Variants in KCNAB1 observed in about 807,000 individuals in gnomAD.
KCNAB1 encodes voltage-gated potassium channel subunit beta-1.
Under a neutral mutation model 64.6 loss-of-function variants are expected in KCNAB1, and 35 were observed. The observed-to-expected ratio is 0.54, with a 90% CI of 0.41 to 0.72. The LOEUF (loss-of-function observed/expected upper bound fraction) is 0.72. KCNAB1 is among the 30% of genes least tolerant of loss of function. The pLI, the probability that KCNAB1 is intolerant of heterozygous loss-of-function variation, is 0.00. For missense variants in KCNAB1, 401 were observed against 512.9 expected, an observed-to-expected ratio of 0.78 and a Z score of 2.11; for synonymous variants, 177 against 183.8, an observed-to-expected ratio of 0.96 and a Z score of 0.30.
At chr3:156,291,786 C>A in intron 1 of KCNAB1, 1 of 1,523,972 alleles carries the variant, frequency 6.6e-7, no homozygotes. Context: ...CTGACGGCAT[C>A]CCCAGGAAGG....
At chr3:156,407,968 A>G (rs907405342) in intron 1 of KCNAB1, among the ~76,000 whole-genome samples, 1 of 152,154 alleles carries the variant, frequency 6.6e-6, no homozygotes, top group Non-Finnish European at 1.5e-5. Context: ...TGATGGGGAA[A>G]GGACTGAGAT....
chr3:156,370,244 C>T (rs1201118444), intron 1 of KCNAB1, among the ~76,000 whole-genome samples: 1 of 152,144 alleles, frequency 6.6e-6, no homozygotes. Context: ...CAGGTCTGGG[C>T]ATTCTATTGT....
intron 1 of KCNAB1, among the ~76,000 whole-genome samples, chr3:156,344,538 A>G (rs564015370): frequency 2.5e-4 from 38 of 152,320 alleles, no homozygotes; most frequent in African/African-American, 8.2e-4. Flanking sequence ...AGCCTTTACT[A>G]AAAGCCAGAG....
intron 1 of KCNAB1, among the ~76,000 whole-genome samples, chr3:156,299,510 A>G (rs921860036): frequency 3.6e-5 from 5 of 140,170 alleles, no homozygotes; most frequent in African/African-American, 1.2e-4. Context: ...ATAGGCATAT[A>G]TGATTGAACA....
chr3:156,363,213 A>G (rs1725724468), intron 1 of KCNAB1, among the ~76,000 whole-genome samples: 1 of 152,258 alleles, frequency 6.6e-6, no homozygotes, highest in East Asian at 1.9e-4. Context: ...TGCAAAGCAT[A>G]TTCAAATGCC....
At position 156,445,167 on chromosome 3, in the gene KCNAB1, G is replaced by A. The variant is rs546445980; in HGVS notation, c.320-7732G>A. Among the ~76,000 whole-genome samples the A allele has an allele frequency of 2.5e-3, 382 of 152,188 alleles. 3 individuals are homozygous for A. Among genetic ancestry groups the A allele is most frequent in the African/African-American group, 8.9e-3 (371 of 41,524 alleles). Reference sequence around the variant, plus strand: ...AAAAATTGGCCGGGCACGGTGGCACGCGCCTGTAATCCCAGCTACTCAGGA... The same window carrying A: ...AAAAATTGGCCGGGCACGGTGGCACACGCCTGTAATCCCAGCTACTCAGGA... On this transcript the variant is annotated intron_variant, in intron 2 of 13. Coordinates refer to ENST00000490337, the MANE Select transcript of KCNAB1 (RefSeq NM_172160.3).
chr3:156,284,960 G>A (rs1206511660), intron 1 of KCNAB1, among the ~76,000 whole-genome samples: 1 of 152,192 alleles, frequency 6.6e-6, no homozygotes, highest in Non-Finnish European at 1.5e-5. Flanking sequence ...GACCAGAGCT[G>A]TTCCTATTCG....
intron 1 of KCNAB1, among the ~76,000 whole-genome samples, chr3:156,235,140 A>T (rs1387277391): frequency 6.6e-6 from 1 of 152,194 alleles, no homozygotes; most frequent in Non-Finnish European, 1.5e-5. Context: ...TTGCTGGTAG[A>T]AAGGACAACT....
intron 1 of KCNAB1, among the ~76,000 whole-genome samples, chr3:156,370,038 A>G (rs1726199629): frequency 6.6e-6 from 1 of 152,236 alleles, no homozygotes; most frequent in Non-Finnish European, 1.5e-5. Flanking sequence ...AAAAGGGACA[A>G]TATAATGCTT....
chr3:156,230,368 C>T (rs903658393), intron 1 of KCNAB1, among the ~76,000 whole-genome samples: 1 of 152,148 alleles, frequency 6.6e-6, no homozygotes, highest in African/African-American at 2.4e-5. Flanking sequence ...AGTCTAGGAG[C>T]CATGAGATGT....
intron 1 of KCNAB1, among the ~76,000 whole-genome samples, chr3:156,280,376 T>G (rs1719630788): frequency 6.6e-6 from 1 of 151,740 alleles, no homozygotes. Flanking sequence ...TGTAGCGTTG[T>G]AGTATAGTTT....
chr3:156,510,298 TA>T (rs1222986142), intron 8 of KCNAB1, among the ~76,000 whole-genome samples: 2 of 152,228 alleles, frequency 1.3e-5, no homozygotes, highest in Admixed American at 1.3e-4. Flanking sequence ...TTATTGAGAC[TA>T]GAATTCATCA....
intron 1 of KCNAB1, among the ~76,000 whole-genome samples, chr3:156,315,267 C>T (rs6441058): frequency 0.15 from 23,522 of 152,038 alleles, 4,992 homozygotes; most frequent in African/African-American, 0.48. Context: ...GAAAAGGAGG[C>T]CATCATCATC....
intron 1 of KCNAB1, among the ~76,000 whole-genome samples, chr3:156,198,490 T>C (rs1194043527): frequency 6.6e-6 from 1 of 152,212 alleles, no homozygotes; most frequent in Non-Finnish European, 1.5e-5. Flanking sequence ...GGTGCATGTA[T>C]ATTTAGGGTA....
chr3:156,290,905 A>G (rs1281632844), intron 1 of KCNAB1: 2 of 929,320 alleles, frequency 2.2e-6, no homozygotes, highest in African/African-American at 3.6e-5. Flanking sequence ...TAACTTGCAG[A>G]GAGAAAAGGA....
intron 8 of KCNAB1, among the ~76,000 whole-genome samples, chr3:156,489,145 A>C (rs367635372): frequency 6.6e-5 from 10 of 152,148 alleles, no homozygotes; most frequent in African/African-American, 2.4e-4. Flanking sequence ...GGATGAAGGC[A>C]TAAATTTGGG....
In KCNAB1 at chr3:156,297,870, T is replaced by TA. The variant is rs1490322984; in HGVS notation, c.276-123745dup. Among the ~76,000 whole-genome samples the TA allele has an allele frequency of 3.9e-5, 6 of 152,172 alleles. No homozygotes were observed. In the East Asian group the frequency reaches 1.2e-3, roughly 29 times the overall value. ...GGCTGAAGAGGAGGAAAAGGAGAGC[T>TA]AGCTCTGTGGCTGTGTTTCAAACAG... is the stretch of plus-strand genomic sequence containing the variant. On this transcript the variant is annotated intron_variant, in intron 1 of 13. Transcript: ENST00000490337.
chr3:156,504,632 T>C (rs1027328725), intron 8 of KCNAB1, among the ~76,000 whole-genome samples: 1 of 152,114 alleles, frequency 6.6e-6, no homozygotes, highest in African/African-American at 2.4e-5. Flanking sequence ...GCCTTGTTTT[T>C]GTTTTTTTAG....
chr3:156,392,581 C>G (rs1713124632), intron 1 of KCNAB1, among the ~76,000 whole-genome samples: 1 of 152,146 alleles, frequency 6.6e-6, no homozygotes. Context: ...AAAGAGAAAG[C>G]TTTTAACACT....
Sources: gnomAD v4.1 joint callset for allele counts (sites outside exome capture counted in the v4.1 genomes callset) on GRCh38, gnomAD v4.1.1 for gene constraint, MANE v1.5 for transcripts, NCBI Gene and HGNC (gene_info 2026-07-23, HGNC 2026-07-21) for gene names.